NKAIN3: variants seen among roughly 807,000 people sequenced by gnomAD.
The protein encoded by NKAIN3 is sodium/potassium transporting ATPase interacting 3.
In NKAIN3, 25 loss-of-function variants were observed where a neutral mutation model predicts 30.2. The observed-to-expected ratio is 0.83, with a 90% CI of 0.60 to 1.16. NKAIN3 has a LOEUF of 1.16. Ranked by LOEUF, NKAIN3 falls within the 50% of genes most tolerant of loss-of-function variation. NKAIN3 has a pLI of 0.00. For synonymous variants in NKAIN3, 91 were observed against 89.6 expected, an observed-to-expected ratio of 1.02 and a Z score of -0.09; for missense variants, 225 against 254.1, an observed-to-expected ratio of 0.89 and a Z score of 0.78.
chr8:62,631,133 C>T (rs954079799), intron 3 of NKAIN3, among the ~76,000 whole-genome samples: 7 of 152,258 alleles, frequency 4.6e-5, no homozygotes, highest in African/African-American at 1.7e-4. Flanking sequence ...CTGTCAGGTT[C>T]CTTCTTACTA....
chr8:62,369,932 T>C (rs765605520), intron 1 of NKAIN3, among the ~76,000 whole-genome samples: 1 of 152,010 alleles, frequency 6.6e-6, no homozygotes, highest in African/African-American at 2.4e-5. Context: ...AAAAAAAGTC[T>C]TAAAGAACTT....
At chr8:62,843,638 G>A (rs573288239) in intron 4 of NKAIN3, among the ~76,000 whole-genome samples, 1 of 152,088 alleles carries the variant, frequency 6.6e-6, no homozygotes, top group South Asian at 2.1e-4. Flanking sequence ...GCCGGCCCCT[G>A]CTGACATCTT....
At chr8:62,467,316 A>G (rs1445355605) in intron 1 of NKAIN3, among the ~76,000 whole-genome samples, 3 of 152,194 alleles carry the variant, frequency 2.0e-5, no homozygotes, top group Admixed American at 6.5e-5. Flanking sequence ...TTAGAAAAGA[A>G]AAGTTGGAGA....
At chr8:62,904,746 C>T (rs1821726979) in intron 4 of NKAIN3, among the ~76,000 whole-genome samples, 1 of 152,180 alleles carries the variant, frequency 6.6e-6, no homozygotes, top group South Asian at 2.1e-4. Context: ...TTTGATGAAA[C>T]ATTCTTCTTA....
At position 62,966,908 on chromosome 8, in the gene NKAIN3, C is replaced by G. The variant is rs115181206; in HGVS notation, c.*1501C>G. On this transcript the variant is annotated 3_prime_UTR_variant, in exon 7 of 7. Coordinates refer to ENST00000623646, the MANE Select transcript of NKAIN3 (RefSeq NM_001304533.3). The stretch of plus-strand genomic sequence containing the variant: ...TTTTCTTCTTGTTCTTCTTTCGGAG[C>G]CTATAGGTTTCATGAGACTCTGTTA... Among the ~76,000 whole-genome samples the G allele has an allele frequency of 2.5e-3, 388 of 152,160 alleles. 2 individuals are homozygous for G. Among genetic ancestry groups the G allele is most frequent in the African/African-American group, 9.1e-3 (376 of 41,516 alleles).
chr8:62,352,473 G>A (rs916693630), intron 1 of NKAIN3, among the ~76,000 whole-genome samples: 13 of 152,082 alleles, frequency 8.5e-5, no homozygotes. Flanking sequence ...GGGAGTTATG[G>A]AGCCAATGAA....
At chr8:62,380,487 T>A (rs1189290960) in intron 1 of NKAIN3, among the ~76,000 whole-genome samples, 1 of 152,160 alleles carries the variant, frequency 6.6e-6, no homozygotes, top group Non-Finnish European at 1.5e-5. Context: ...CATGCCCCAC[T>A]TTCCAGCACT....
intron 4 of NKAIN3, among the ~76,000 whole-genome samples, chr8:62,913,652 A>T (rs1403844796): frequency 6.6e-6 from 1 of 152,224 alleles, no homozygotes; most frequent in Non-Finnish European, 1.5e-5. Context: ...CAAAGACGTT[A>T]TCTTGGAAGA....
chr8:62,902,848 G>A (rs972616974), intron 4 of NKAIN3, among the ~76,000 whole-genome samples: 13 of 152,094 alleles, frequency 8.5e-5, no homozygotes, highest in Non-Finnish European at 1.9e-4. Flanking sequence ...TACTTAAATA[G>A]GCCCCTTTAC....
At chr8:62,411,800 T>C (rs978506678) in intron 1 of NKAIN3, among the ~76,000 whole-genome samples, 1 of 152,050 alleles carries the variant, frequency 6.6e-6, no homozygotes. Flanking sequence ...AATTCCCACC[T>C]CTACAATAGC....
intron 1 of NKAIN3, among the ~76,000 whole-genome samples, chr8:62,304,318 T>C (rs1814153261): frequency 6.6e-6 from 1 of 150,418 alleles, no homozygotes; most frequent in Non-Finnish European, 1.5e-5. Context: ...AATTCACTTC[T>C]TTTCTTATAT....
At chr8:62,678,904 T>A (rs1447133143) in intron 3 of NKAIN3, among the ~76,000 whole-genome samples, 1 of 152,140 alleles carries the variant, frequency 6.6e-6, no homozygotes, top group East Asian at 1.9e-4. Flanking sequence ...ATCTAGTGAA[T>A]AAGGCTGGAA....
chr8:62,574,473 T>G (rs760485186), intron 1 of NKAIN3, among the ~76,000 whole-genome samples: 5 of 152,120 alleles, frequency 3.3e-5, no homozygotes, highest in Non-Finnish European at 7.4e-5. Context: ...ATTTAGTTTA[T>G]TTTAACAAAA....
chr8:62,581,663 T>A (rs1173160360), intron 2 of NKAIN3, among the ~76,000 whole-genome samples: 3 of 152,178 alleles, frequency 2.0e-5, no homozygotes, highest in African/African-American at 7.2e-5. Flanking sequence ...AGAATATTCT[T>A]GCCTGATGTA....
rs917881467 is a variant in NKAIN3 at position 62,976,402 on chromosome 8, C to T, written c.*10995C>T. On this transcript the variant is annotated 3_prime_UTR_variant, in exon 7 of 7. Transcript: ENST00000623646. ...GTGCATACATATTTAGGATAGTTAG[C>T]TCTTCCTGTTGCATTGATCCTTTTA... 3.9e-5 allele frequency among the ~76,000 whole-genome samples: 6 copies of T among 152,054 alleles called. No homozygotes were observed. The highest frequency in any genetic ancestry group is 1.4e-4 in the African/African-American group (6 of 41,404).
chr8:62,401,020 A>T (rs13270500), intron 1 of NKAIN3, among the ~76,000 whole-genome samples: 143,885 of 149,516 alleles, frequency 0.96, 69,244 homozygotes, highest in Non-Finnish European at 0.98. Flanking sequence ...CCTTTCTCTC[A>T]CTCTCTCTCT....
chr8:62,475,701 T>C (rs1171567854), intron 1 of NKAIN3, among the ~76,000 whole-genome samples: 1 of 152,230 alleles, frequency 6.6e-6, no homozygotes. Flanking sequence ...TTCTGGAGAA[T>C]ACTAAAGTTT....
intron 3 of NKAIN3, among the ~76,000 whole-genome samples, chr8:62,743,722 T>C (rs1815981397): frequency 6.6e-6 from 1 of 152,198 alleles, no homozygotes; most frequent in Admixed American, 6.5e-5. Flanking sequence ...TACTCCAGCC[T>C]GGTCAACAGA....
chr8:62,515,240 T>C (rs570229392), intron 1 of NKAIN3, among the ~76,000 whole-genome samples: 40 of 152,332 alleles, frequency 2.6e-4, no homozygotes, highest in African/African-American at 8.2e-4. Flanking sequence ...TATTCAAGTT[T>C]CTACATGTAT....
Sources: allele counts gnomAD v4.1 joint callset (sites outside exome capture counted in the v4.1 genomes callset), GRCh38; gene constraint gnomAD v4.1.1; transcripts MANE v1.5; gene names NCBI Gene and HGNC (gene_info 2026-07-23, HGNC 2026-07-21).